FREM1: variants seen among roughly 807,000 people sequenced by gnomAD.
FREM1 encodes the protein FRAS1 related extracellular matrix 1.
FREM1 carries 220 observed loss-of-function variants against 210.1 expected under a neutral mutation model. The ratio of observed to expected loss-of-function variants is 1.05; its 90% CI spans 0.94 to 1.17. The LOEUF is 1.17. Ranked by LOEUF, FREM1 falls within the 50% of genes most tolerant of loss-of-function variation. The pLI, the probability that FREM1 is intolerant of heterozygous loss-of-function variation, is 0.00. For missense variants in FREM1, 3,454 were observed against 2,675.5 expected (o/e 1.29, Z -6.42); for synonymous variants, 1,189 against 980.2 (o/e 1.21, Z -3.98).
rs142757692 is a variant in FREM1 at position 14,853,783 on chromosome 9, C to G, written c.829-2176G>C. 1.7e-3 allele frequency among the ~76,000 whole-genome samples: 256 copies of G among 152,294 alleles called. 2 individuals carry two copies. Among genetic ancestry groups the G allele is most frequent in the African/African-American group, 5.8e-3 (242 of 41,554 alleles). On this transcript the variant is annotated intron_variant, in intron 5 of 36. Transcript: ENST00000380880. ...TGAGATGTCCCAGGGTTTAGAGTAT[C>G]TAATCTTCGTGTGTCACTGGGAAGA...
chr9:14,774,264 C>G (rs1313812475), intron 25 of FREM1: 1 of 455,412 alleles, frequency 2.2e-6, no homozygotes, highest in Non-Finnish European at 4.3e-6. Context: ...ACGTTTACAT[C>G]AGTACATTTT....
chr9:14,746,336 G>A lies in FREM1; in HGVS notation c.6254+17C>T. The A allele has an allele frequency of 6.5e-7, 1 of 1,537,692 alleles. No homozygotes were observed. Among genetic ancestry groups the A allele is most frequent in the Non-Finnish European group, 9.0e-7 (1 of 1,111,432 alleles). On this transcript the variant is annotated intron_variant, in intron 35 of 36. Transcript: ENST00000380880. Reference sequence around the variant, plus strand: ...AGAAAAGAAAACACCAATCAAATGTGCAATAGGGTGCCTTACTGTTCCCTG... The same window carrying A: ...AGAAAAGAAAACACCAATCAAATGTACAATAGGGTGCCTTACTGTTCCCTG...
chr9:14,772,378 A>C (rs940076136), intron 25 of FREM1, among the ~76,000 whole-genome samples: 3 of 152,200 alleles, frequency 2.0e-5, no homozygotes, highest in Non-Finnish European at 4.4e-5. Flanking sequence ...GTTATCAGGA[A>C]TATGATTAGT....
chr9:14,749,133 G>A (rs1381734982), intron 30 of FREM1, among the ~76,000 whole-genome samples: 1 of 152,148 alleles, frequency 6.6e-6, no homozygotes, highest in Non-Finnish European at 1.5e-5. Context: ...TCTTAATAGA[G>A]CGGCTCCTAT....
intron 1 of FREM1, among the ~76,000 whole-genome samples, chr9:14,895,771 T>C (rs1272018329): frequency 6.6e-6 from 1 of 152,022 alleles, no homozygotes; most frequent in Non-Finnish European, 1.5e-5. Context: ...TACTGACGCT[T>C]TCTGACTGAG....
In FREM1 at chr9:14,861,304, CAT is replaced by C. The variant is rs1238662144; in HGVS notation, c.330-1822_330-1821del. 6.7e-5 allele frequency among the ~76,000 whole-genome samples: 7 copies of C among 104,212 alleles called. 2 individuals are homozygous for C. The highest frequency in any genetic ancestry group is 5.8e-4 in the East Asian group (2 of 3,472). The allele number at this position is 104,212 out of a possible 152,430, so 68.4% of individuals were successfully genotyped here. On this transcript the variant is annotated intron_variant, in intron 3 of 36. Coordinates refer to ENST00000380880, the MANE Select transcript of FREM1 (RefSeq NM_001379081.2). Reference sequence around the variant, plus strand: ...ATATATACATATATACATATATACACATATATACATATATACACATATATACA... The same window carrying C: ...ATATATACATATATACATATATACACATATACATATATACACATATATACA...
chr9:14,816,693 T>C (rs1311709894), intron 15 of FREM1, 85 bp downstream of exon 15: 5 of 646,012 alleles, frequency 7.7e-6, no homozygotes, highest in Admixed American at 8.3e-5. Flanking sequence ...TTCTTTTCAT[T>C]ATAAATTACC....
intron 32 of FREM1, 124 bp from the exon 33 acceptor site, chr9:14,747,552 C>A (rs1250173123): frequency 1.8e-6 from 2 of 1,084,016 alleles, no homozygotes; most frequent in Non-Finnish European, 1.3e-6. Flanking sequence ...TCTCTGAACA[C>A]CCAAGCCTCT....
chr9:14,872,148 CG>C (rs1832793931), intron 1 of FREM1, among the ~76,000 whole-genome samples: 1 of 152,052 alleles, frequency 6.6e-6, no homozygotes, highest in Non-Finnish European at 1.5e-5. Flanking sequence ...CTTGGCAATG[CG>C]GGCTCTTTTT....
chr9:14,903,247 C>G (rs1231904725), intron 1 of FREM1, among the ~76,000 whole-genome samples: 1 of 152,118 alleles, frequency 6.6e-6, no homozygotes, highest in East Asian at 1.9e-4. Context: ...ACCAAAGTTA[C>G]TGAGCCATGA....
chr9:14,801,230 T>G (rs1470153200), intron 20 of FREM1, among the ~76,000 whole-genome samples: 1 of 152,200 alleles, frequency 6.6e-6, no homozygotes, highest in Non-Finnish European at 1.5e-5. Context: ...ATTCCTGACC[T>G]CAAGTGATCC....
chr9:14,756,619 T>C lies in FREM1; in HGVS notation c.5335-173A>G, dbSNP rs73644846. On this transcript the variant is annotated intron_variant, in intron 28 of 36. Transcript: ENST00000380880. The stretch of plus-strand genomic sequence containing the variant: ...TTTGGGATCCAGGCAACATGCATTT[T>C]CCTTAAAGTTGACTTTTTCCTAGGC... Among the ~76,000 whole-genome samples, 455 of 152,344 alleles carry C rather than the reference T, an allele frequency of 3.0e-3. 2 individuals are homozygous for C. The highest frequency in any genetic ancestry group is 0.01 in the African/African-American group (425 of 41,576).
chr9:14,816,886 T>TA lies in FREM1; in HGVS notation c.2547-16_2547-15insT. 1 of 1,076,058 alleles carries TA rather than the reference T, an allele frequency of 9.3e-7. No homozygotes were observed. Among genetic ancestry groups the TA allele is most frequent in the Non-Finnish European group, 1.3e-6 (1 of 765,320 alleles). The allele number at this position is 1,076,058 out of a possible 1,614,324, so 66.7% of individuals were successfully genotyped here. A position where few individuals can be genotyped will look rare whatever the true frequency, so the allele number is the denominator to read the frequency against. The stretch of plus-strand genomic sequence containing the variant: ...CATGTTGATACCTGTGGGGATAATA[T>TA]TTGTCACCAACCTCTTAGGAACAGT... On this transcript the variant is annotated splice_polypyrimidine_tract_variant and intron_variant, in intron 14 of 36. Coordinates refer to ENST00000380880, the MANE Select transcript of FREM1 (RefSeq NM_001379081.2).
At chr9:14,829,420 T>A (rs1823119534) in intron 10 of FREM1, among the ~76,000 whole-genome samples, 2 of 152,160 alleles carry the variant, frequency 1.3e-5, no homozygotes, top group Non-Finnish European at 2.9e-5. Context: ...GTCTCTGATA[T>A]GAACTGAATG....
At position 14,779,677 on chromosome 9, in the gene FREM1, C is replaced by G. The variant is rs147447363; in HGVS notation, c.4443-3474G>C. 1,554 of 160,094 alleles carry G rather than the reference C, an allele frequency of 9.7e-3. 25 individuals carry two copies. The highest frequency in any genetic ancestry group is 0.035 in the African/African-American group (1,470 of 41,630). 9.9% of individuals were successfully genotyped at this position (160,094 alleles called of 1,614,324 possible). A position where few individuals can be genotyped will look rare whatever the true frequency, so the allele number is the denominator to read the frequency against. The stretch of plus-strand genomic sequence containing the variant: ...CTCAAACCCCTCCCTGCTGGAAGAT[C>G]GTGATCTGCCCACGTTGGAAACAGG... On this transcript the variant is annotated intron_variant, in intron 24 of 36. Coordinates refer to ENST00000380880, the MANE Select transcript of FREM1 (RefSeq NM_001379081.2).
chr9:14,860,712 TATATACAC>T (rs879608131), intron 3 of FREM1, among the ~76,000 whole-genome samples: 10,064 of 97,036 alleles, frequency 0.1, 729 homozygotes, highest in Middle Eastern at 0.14. Context: ...TATACACACA[TATATACAC>T]ATATATACAC....
intron 27 of FREM1, among the ~76,000 whole-genome samples, chr9:14,765,001 G>A (rs529314462): frequency 6.6e-6 from 1 of 152,086 alleles, no homozygotes; most frequent in South Asian, 2.1e-4. Flanking sequence ...CTTCAAAGGG[G>A]TTAAGTGAAC....
chr9:14,801,634 A>G lies in FREM1; in HGVS notation c.3694+18T>C. 1 of 1,509,446 alleles carries G rather than the reference A, an allele frequency of 6.6e-7. No individual in the cohort carries two copies. Among genetic ancestry groups the G allele is most frequent in the Non-Finnish European group, 9.2e-7 (1 of 1,085,484 alleles). The allele number at this position is 1,509,446 out of a possible 1,614,324, so 93.5% of individuals were successfully genotyped here. A position where few individuals can be genotyped will look rare whatever the true frequency, so the allele number is the denominator to read the frequency against. ...TCAATCAACAATAACAAATGCATGG[A>G]AGTGGAACATGCTATACCAGTCTTG... On this transcript the variant is annotated intron_variant, in intron 20 of 36. Transcript: ENST00000380880.
At chr9:14,760,010 G>A (rs1370508808) in intron 27 of FREM1, 109 bp from the exon 28 acceptor site, 10 of 720,704 alleles carry the variant, frequency 1.4e-5, no homozygotes, top group Non-Finnish European at 2.1e-5. Flanking sequence ...CTACACCAGT[G>A]ATGGAAATTC....
Sources: allele counts gnomAD v4.1 joint callset (sites outside exome capture counted in the v4.1 genomes callset), GRCh38; gene constraint gnomAD v4.1.1; transcripts MANE v1.5; gene names NCBI Gene and HGNC (gene_info 2026-07-23, HGNC 2026-07-21).